The following DMD variants were observed in gnomAD, a reference collection of about 807,000 sequenced individuals.
DMD encodes the protein mutant dystrophin.
In DMD, 63 loss-of-function variants were observed where a neutral mutation model predicts 330.1. That is an observed-to-expected ratio of 0.19 (90% CI 0.16 to 0.24). The LOEUF is 0.24. DMD is among the 10% of genes least tolerant of loss of function. The probability of loss-of-function intolerance (pLI) is 1.00; values close to 1 mark genes in which losing one functional copy is unlikely to be tolerated. For synonymous variants in DMD, 1,223 were observed against 959.8 expected (o/e 1.27, Z -5.07); for missense variants, 3,344 against 2,684.1 (o/e 1.25, Z -5.43).
intron 41 of DMD, among the ~76,000 whole-genome samples, chrX:32,339,664 T>C (rs942432959): frequency 1.8e-5 from 2 of 111,839 alleles, no homozygotes; most frequent in Admixed American, 9.5e-5. Context: ...TTACAGTGGT[T>C]AGCACTTCTC....
At chrX:32,728,173 G>A (rs1220055994) in intron 7 of DMD, among the ~76,000 whole-genome samples, 2 of 110,789 alleles carry the variant, frequency 1.8e-5, no homozygotes, top group Non-Finnish European at 3.8e-5. Context: ...ACTAAAACTT[G>A]TCTAGAAATA....
At chrX:32,242,918 GA>G (rs2097214472) in intron 43 of DMD, among the ~76,000 whole-genome samples, 1 of 102,721 alleles carries the variant, frequency 9.7e-6, no homozygotes, top group Admixed American at 1.1e-4. Context: ...AGAAAGCAAG[GA>G]AAGCAAAGGA....
At chrX:33,075,181 T>C (rs1410130175) in intron 1 of DMD, among the ~76,000 whole-genome samples, 1 of 111,937 alleles carries the variant, frequency 8.9e-6, no homozygotes, top group African/African-American at 3.2e-5. Context: ...TGATGACTGA[T>C]GGCTCCACCT....
chrX:32,229,544 C>T (rs952175837), intron 43 of DMD, among the ~76,000 whole-genome samples: 72 of 104,501 alleles, frequency 6.9e-4, no homozygotes, highest in African/African-American at 2.3e-3. Flanking sequence ...AATCCCTCCC[C>T]TCTTTAATAA....
At chrX:31,928,411 C>T (rs1466483470) in intron 47 of DMD, among the ~76,000 whole-genome samples, 1 of 111,054 alleles carries the variant, frequency 9.0e-6, no homozygotes, top group Non-Finnish European at 1.9e-5. Context: ...TTGAGACCAG[C>T]CTGGCCAACA....
chrX:32,043,723 A>G (rs2096031498), intron 44 of DMD, among the ~76,000 whole-genome samples: 1 of 111,836 alleles, frequency 8.9e-6, no homozygotes, highest in African/African-American at 3.3e-5. Flanking sequence ...TAACTCCCAT[A>G]GGTTATACTA....
chrX:32,636,490 T>A (rs1217771527), intron 11 of DMD, among the ~76,000 whole-genome samples: 15 of 112,275 alleles, frequency 1.3e-4, no homozygotes, highest in African/African-American at 4.5e-4. Context: ...GTTTTTATAC[T>A]GAATTCTATG....
intron 1 of DMD, among the ~76,000 whole-genome samples, chrX:33,106,148 T>C (rs1399942311): frequency 9.1e-6 from 1 of 110,359 alleles, no homozygotes. Flanking sequence ...TGGATGGAAC[T>C]GGAGGTTATT....
rs749399426 is a variant in DMD at position 33,098,595 on chromosome X, C to T, written c.32-78395G>A. 2.7e-5 allele frequency among the ~76,000 whole-genome samples: 3 copies of T among 111,558 alleles called. No homozygotes were observed. In the East Asian group the frequency reaches 8.4e-4, roughly 31 times the overall value. ...CTGTATCCTCTTTACTGCTCCTTCCCTGTGTTATATGTAAACAATGTTTAT... is the reference window on the plus strand; with the variant it reads ...CTGTATCCTCTTTACTGCTCCTTCCTTGTGTTATATGTAAACAATGTTTAT... On this transcript the variant is annotated intron_variant, in intron 1 of 78. Coordinates refer to ENST00000357033, the MANE Select transcript of DMD (RefSeq NM_004006.3).
intron 44 of DMD, among the ~76,000 whole-genome samples, chrX:32,180,579 T>C (rs978451673): frequency 1.8e-5 from 2 of 111,345 alleles, no homozygotes; most frequent in African/African-American, 6.5e-5. Context: ...CACTGTGACT[T>C]CTGAGAGACA....
At chrX:33,009,815 CAT>C (rs1485319832) in intron 2 of DMD, among the ~76,000 whole-genome samples, 2 of 14,505 alleles carry the variant, frequency 1.4e-4, no homozygotes, top group Non-Finnish European at 3.0e-4. Flanking sequence ...TATATACACA[CAT>C]ATGTGTATAT....
At chrX:33,004,094 A>C (rs1437630559) in intron 2 of DMD, among the ~76,000 whole-genome samples, 1 of 112,247 alleles carries the variant, frequency 8.9e-6, no homozygotes, top group Admixed American at 9.5e-5. Context: ...TAAATGCATA[A>C]ATTTCTCTTT....
At chrX:31,577,509 A>G (rs761548621) in intron 55 of DMD, among the ~76,000 whole-genome samples, 34 of 112,337 alleles carry the variant, frequency 3.0e-4, no homozygotes, top group Non-Finnish European at 5.3e-4. Flanking sequence ...AGCACTGGAC[A>G]ATACTTATTT....
chrX:32,660,261 A>C (rs1318611344), intron 9 of DMD, among the ~76,000 whole-genome samples: 4 of 111,074 alleles, frequency 3.6e-5, no homozygotes, highest in Non-Finnish European at 7.6e-5. Flanking sequence ...ACTCAAAATC[A>C]GGGTGGGCTA....
chrX:31,173,354 T>A (rs760812193), intron 72 of DMD, among the ~76,000 whole-genome samples, 185 bp downstream of exon 72: 1 of 112,094 alleles, frequency 8.9e-6, no homozygotes, highest in South Asian at 3.7e-4. Context: ...TCTGGACTAA[T>A]GCTCTTGTTG....
intron 63 of DMD, among the ~76,000 whole-genome samples, chrX:31,255,662 T>C (rs1403308140): frequency 3.6e-5 from 4 of 110,346 alleles, no homozygotes; most frequent in Non-Finnish European, 7.6e-5. Context: ...AGCCGAAAGG[T>C]ACCTCTTGAA....
intron 1 of DMD, among the ~76,000 whole-genome samples, chrX:33,034,995 C>G (rs2094180705): frequency 9.0e-6 from 1 of 111,318 alleles, no homozygotes; most frequent in Admixed American, 9.6e-5. Context: ...GAATAAACCC[C>G]TAAAATTGTG....
rs535732927 is a variant in DMD, at chrX:32,471,772, G to A, written c.2949+392C>T. Among the ~76,000 whole-genome samples, 59 of 111,648 alleles carry A rather than the reference G, an allele frequency of 5.3e-4. No individual in the cohort carries two copies. The South Asian group carries it at 0.021, about 39-fold the overall frequency. ...GGAGTTCCTGGAACCACTTCCCCAT[G>A]GATACGAAGGGATGACTGTACACTG... is the stretch of plus-strand genomic sequence containing the variant. On this transcript the variant is annotated intron_variant, in intron 22 of 78. Transcript: ENST00000357033.
intron 1 of DMD, among the ~76,000 whole-genome samples, chrX:33,219,836 A>G (rs2052138190): frequency 9.0e-6 from 1 of 111,523 alleles, no homozygotes; most frequent in Non-Finnish European, 1.9e-5. Context: ...CTTATGGGGT[A>G]TTAGTGAAGA....
Sources: allele counts gnomAD v4.1 joint callset (sites outside exome capture counted in the v4.1 genomes callset), GRCh38; gene constraint gnomAD v4.1.1; transcripts MANE v1.5; gene names NCBI Gene and HGNC (gene_info 2026-07-23, HGNC 2026-07-21).